The following CAMSAP1 variants were observed in gnomAD, a reference collection of about 807,000 sequenced individuals.
The protein encoded by CAMSAP1 is calmodulin-regulated spectrin-associated protein 1.
Under a neutral mutation model 143.5 loss-of-function variants are expected in CAMSAP1, and 58 were observed. That is an observed-to-expected ratio of 0.40 (90% CI 0.33 to 0.50). The LOEUF (loss-of-function observed/expected upper bound fraction) is 0.50, where lower values mean the gene tolerates loss of function less well. CAMSAP1 is among the 20% of genes least tolerant of loss of function. The pLI is 0.45. For missense variants in CAMSAP1, 1,969 were observed against 2,115.7 expected, an observed-to-expected ratio of 0.93 and a Z score of 1.36; for synonymous variants, 945 against 859.3, an observed-to-expected ratio of 1.10 and a Z score of -1.74.
intron 5 of CAMSAP1, among the ~76,000 whole-genome samples, chr9:135,852,811 A>C (rs1361646412): frequency 6.6e-6 from 1 of 152,236 alleles, no homozygotes; most frequent in East Asian, 1.9e-4. Flanking sequence ...TTTAAGCAAC[A>C]AAATAAATAA....
In CAMSAP1 at chr9:135,815,925, G is replaced by A. The variant is rs760014604; in HGVS notation, c.4352C>T (p.Ala1451Val). ...STDRDWETAS[A>V]ASSLASVAEY... The stretch of plus-strand genomic sequence containing the variant: ...GGCCACTGAGGCCAGGGAAGATGCC[G>A]CCGACGCGGTCTCCCAGTCTCGGTC... Residue 1451 changes from alanine (A) to valine (V), a missense_variant, in exon 15 of 17, where the codon GCG becomes GTG. Around this residue, in one of 4 missense-constraint regions of CAMSAP1, gnomAD observed 143 missense variants for 200.6 expected, o/e 0.71. Transcript: ENST00000389532. 9.9e-6 allele frequency: 16 copies of A among 1,613,630 alleles called. No individual in the cohort carries two copies. Among genetic ancestry groups the A allele is most frequent in the Non-Finnish European group, 1.4e-5 (16 of 1,179,908 alleles).
intron 7 of CAMSAP1, among the ~76,000 whole-genome samples, chr9:135,847,743 T>C (rs1464590479): frequency 7.3e-6 from 1 of 137,764 alleles, no homozygotes; most frequent in African/African-American, 2.8e-5. Flanking sequence ...GGAAAACGCC[T>C]AATGTAGAGG....
Position 135,809,773 on chromosome 9 carries a change from A to C in CAMSAP1, c.*1536T>G, listed in dbSNP as rs1272478260. On this transcript the variant is annotated 3_prime_UTR_variant, in exon 17 of 17. Transcript: ENST00000389532. ...TTAGTTCCCTATTTACAGGACAGAG[A>C]GCGGCTGTGTCGAACACGATATATA... 1 of 152,604 alleles carries C rather than the reference A, an allele frequency of 6.6e-6. No individual in the cohort carries two copies. The highest frequency in any genetic ancestry group is 1.5e-5 in the Non-Finnish European group (1 of 68,040). 9.5% of individuals were successfully genotyped at this position (152,604 alleles called of 1,614,324 possible).
At chr9:135,886,598 C>T (rs1042521667) in intron 1 of CAMSAP1, among the ~76,000 whole-genome samples, 2 of 152,198 alleles carry the variant, frequency 1.3e-5, no homozygotes, top group African/African-American at 2.4e-5. Flanking sequence ...CTGGGCCCTG[C>T]GGGATCTGTC....
intron 5 of CAMSAP1, among the ~76,000 whole-genome samples, chr9:135,859,999 G>A (rs1382061411): frequency 6.8e-6 from 1 of 147,272 alleles, no homozygotes; most frequent in African/African-American, 2.5e-5. Context: ...GAACCCAGGA[G>A]TTCGAGACCA....
chr9:135,865,076 C>T (rs1275380488), intron 4 of CAMSAP1, among the ~76,000 whole-genome samples: 2 of 152,200 alleles, frequency 1.3e-5, no homozygotes, highest in African/African-American at 4.8e-5. Flanking sequence ...CCTCTCATTA[C>T]GTGCACGTTG....
At chr9:135,865,447 C>T in intron 4 of CAMSAP1, 3 of 1,390,230 alleles carry the variant, frequency 2.2e-6, no homozygotes, top group Non-Finnish European at 3.0e-6. Context: ...CACACACTTC[C>T]CCACGGCGTT....
chr9:135,820,527 G>A lies in CAMSAP1; in HGVS notation c.3822+312C>T, dbSNP rs771818295. On this transcript the variant is annotated intron_variant, in intron 11 of 16. Transcript: ENST00000389532. This position sits in a 1 kb window ranked among gnomAD's most constrained non-coding sequence, Gnocchi z 4.4. ...TGGGGCAGGACAGGGAGATGACAGG[G>A]TTTTGACTGGAAAACCAGCAAAAAA... 1.9e-4 allele frequency among the ~76,000 whole-genome samples: 28 copies of A among 145,828 alleles called. No homozygotes were observed. The highest frequency in any genetic ancestry group is 3.7e-4 in the Non-Finnish European group (25 of 66,866).
At chr9:135,878,762 T>C (rs776304565) in intron 3 of CAMSAP1, among the ~76,000 whole-genome samples, 8 of 152,072 alleles carry the variant, frequency 5.3e-5, no homozygotes, top group African/African-American at 1.2e-4. Flanking sequence ...AAAAGGTGCT[T>C]TGGAAGCATT....
chr9:135,817,829 T>C (rs1382672579), intron 14 of CAMSAP1, 148 bp downstream of exon 14: 3 of 683,340 alleles, frequency 4.4e-6, no homozygotes, highest in South Asian at 3.8e-5. Context: ...GTATTCCTGA[T>C]GACATGATTG....
At chr9:135,868,852 G>A (rs1837475975) in intron 3 of CAMSAP1, among the ~76,000 whole-genome samples, 2 of 152,032 alleles carry the variant, frequency 1.3e-5, no homozygotes, top group African/African-American at 2.4e-5. Flanking sequence ...TCCTGACCTC[G>A]TGATCCACCT....
rs189911160 is a variant in CAMSAP1, at chr9:135,818,720, C to T, written c.3960-104G>A. On this transcript the variant is annotated intron_variant, in intron 12 of 16. Coordinates refer to ENST00000389532, the MANE Select transcript of CAMSAP1 (RefSeq NM_015447.4). This position sits in a 1 kb window ranked among gnomAD's most constrained non-coding sequence, Gnocchi z 7.7. ...GCGCGTTTCTCGGGTTCTCCCCGGC[C>T]GCTGGGACCAAGAGTGGCCAGCCTC... The T allele has an allele frequency of 4.8e-5, 65 of 1,359,684 alleles. No individual in the cohort carries two copies. In the East Asian group the frequency reaches 1.2e-3, roughly 25 times the overall value. 84.2% of individuals were successfully genotyped at this position (1,359,684 alleles called of 1,614,324 possible). A position where few individuals can be genotyped will look rare whatever the true frequency, so the allele number is the denominator to read the frequency against.
Position 135,901,289 on chromosome 9 carries a change from C to T in CAMSAP1, c.160+5711G>A, listed in dbSNP as rs143420311. 2.6e-4 allele frequency among the ~76,000 whole-genome samples: 40 copies of T among 152,220 alleles called. No homozygotes were observed. The Middle Eastern group carries it at 0.014, about 52-fold the overall frequency. ...TATCTACCCTTCCTATTCCCTCTGC[C>T]GACAGACAGGCAAGTCCATCTGGGC... On this transcript the variant is annotated intron_variant, in intron 1 of 16. Coordinates refer to ENST00000389532, the MANE Select transcript of CAMSAP1 (RefSeq NM_015447.4).
At chr9:135,847,405 A>G (rs1836594362) in intron 7 of CAMSAP1, among the ~76,000 whole-genome samples, 1 of 152,040 alleles carries the variant, frequency 6.6e-6, no homozygotes, top group Admixed American at 6.6e-5. Flanking sequence ...ATAAAGACAC[A>G]TGCACACGTA....
At chr9:135,894,359 G>A (rs1838382612) in intron 1 of CAMSAP1, among the ~76,000 whole-genome samples, 2 of 152,194 alleles carry the variant, frequency 1.3e-5, no homozygotes, top group Non-Finnish European at 2.9e-5. Flanking sequence ...CATCCGAGGG[G>A]AGGGGCGGAC....
chr9:135,812,339 A>G (rs1835080584), intron 16 of CAMSAP1, among the ~76,000 whole-genome samples: 1 of 152,156 alleles, frequency 6.6e-6, no homozygotes, highest in Non-Finnish European at 1.5e-5. Flanking sequence ...CAGCTACAAA[A>G]AGGAATGGAG....
rs368969831 is a variant in CAMSAP1 at position 135,827,533 on chromosome 9, T to C, written c.1097A>G (p.Asn366Ser). 3.5e-5 allele frequency: 57 copies of C among 1,612,324 alleles called. No homozygotes were observed. Among genetic ancestry groups the C allele is most frequent in the Non-Finnish European group, 4.3e-5 (51 of 1,178,700 alleles). Residue 366 changes from asparagine (N) to serine (S), a missense_variant, in exon 8 of 17, where the codon AAC becomes AGC. By Grantham distance (46) the Asn-to-Ser change is conservative. Around this residue, in one of 4 missense-constraint regions of CAMSAP1, gnomAD observed 221 missense variants for 298.2 expected, o/e 0.74. Coordinates refer to ENST00000389532, the MANE Select transcript of CAMSAP1 (RefSeq NM_015447.4). ...KSSRPPVPIS[N>S]ATKRSFLGSP... is the part of the protein sequence containing the mutation. ...GCCTAGGAAACTGCGTTTGGTCGCG[T>C]TGGAGATCGGTACAGGAGGCCGGCT...
intron 1 of CAMSAP1, among the ~76,000 whole-genome samples, chr9:135,895,298 T>C (rs1838408181): frequency 6.6e-6 from 1 of 152,092 alleles, no homozygotes; most frequent in African/African-American, 2.4e-5. Context: ...ACATCATGAC[T>C]AAACTTCTAA....
intron 14 of CAMSAP1, among the ~76,000 whole-genome samples, chr9:135,817,077 T>C (rs901149874): frequency 1.3e-5 from 2 of 152,156 alleles, no homozygotes; most frequent in Non-Finnish European, 2.9e-5. Flanking sequence ...AACTGACCTG[T>C]GGTTACCAAA....
Sources: gnomAD v4.1 joint callset for allele counts (sites outside exome capture counted in the v4.1 genomes callset) on GRCh38, gnomAD v4.1.1 for gene constraint, gnomAD v4.1.1 regional missense constraint, Gnocchi (gnomAD v3.1) non-coding constraint, MANE v1.5 for transcripts, NCBI Gene and HGNC (gene_info 2026-07-23, HGNC 2026-07-21) for gene names.